ZFHX3: variants seen among roughly 807,000 people sequenced by gnomAD.
The protein encoded by ZFHX3 is zinc finger homeobox protein 3.
ZFHX3 carries 42 observed loss-of-function variants against 279.1 expected under a neutral mutation model. That is an observed-to-expected ratio of 0.15 (90% CI 0.12 to 0.19). The LOEUF (loss-of-function observed/expected upper bound fraction) is 0.19. ZFHX3 is among the 10% of genes least tolerant of loss of function. The probability of loss-of-function intolerance (pLI) is 1.00; values close to 1 mark genes in which losing one functional copy is unlikely to be tolerated. For missense variants in ZFHX3, 4,981 were observed against 4,754.0 expected, an observed-to-expected ratio of 1.05 and a Z score of -1.40; for synonymous variants, 2,293 against 1,957.8, an observed-to-expected ratio of 1.17 and a Z score of -4.52.
intron 1 of ZFHX3, among the ~76,000 whole-genome samples, chr16:72,967,737 A>T (rs1961912317): frequency 6.6e-6 from 1 of 150,848 alleles, no homozygotes; most frequent in African/African-American, 2.5e-5. Context: ...TAACACGGTG[A>T]AACCCCGTCT....
At chr16:73,055,709 CACACACACACACAT>C (rs762587918) in intron 1 of ZFHX3, among the ~76,000 whole-genome samples, 3,614 of 151,022 alleles carry the variant, frequency 0.024, 40 homozygotes, top group East Asian at 0.036. Context: ...CACACACACA[CACACACACACACAT>C]ACACACACAC....
At chr16:73,616,743 G>C (rs192435900) in intron 2 of ZFHX3, among the ~76,000 whole-genome samples, 6 of 152,194 alleles carry the variant, frequency 3.9e-5, no homozygotes, top group African/African-American at 1.4e-4. Context: ...AAATTCTTTC[G>C]AAAGACACAT....
chr16:73,214,695 G>T (rs2012138500), intron 5 of ZFHX3, among the ~76,000 whole-genome samples: 1 of 152,060 alleles, frequency 6.6e-6, no homozygotes, highest in Non-Finnish European at 1.5e-5. Context: ...TACTACATGG[G>T]GGGAAGCTCA....
chr16:72,979,077 T>C (rs900325032), intron 1 of ZFHX3, among the ~76,000 whole-genome samples: 10 of 152,068 alleles, frequency 6.6e-5, no homozygotes, highest in Admixed American at 5.9e-4. Flanking sequence ...GAAAGCTGAG[T>C]GTCAACAGGA....
At chr16:73,378,030 CAAAAAAAAAAAAAAAAAAAAAAAAAA>C (rs71156159) in intron 3 of ZFHX3, among the ~76,000 whole-genome samples, 1 of 53,816 alleles carries the variant, frequency 1.9e-5, no homozygotes, top group South Asian at 8.5e-4. Context: ...GACTCTGTCT[CAAAAAAAAAAAAAAAAAAAAAAAAAA>C]AAAAAAAAAA....
intron 4 of ZFHX3, among the ~76,000 whole-genome samples, chr16:72,849,733 C>T (rs546320332): frequency 2.0e-5 from 3 of 152,066 alleles, no homozygotes; most frequent in South Asian, 2.1e-4. Context: ...TCCTGGCCAA[C>T]GGCTGCCATT....
intron 1 of ZFHX3, among the ~76,000 whole-genome samples, chr16:73,684,695 CTTTTTTTTTTT>C (rs201167110): frequency 3.1e-4 from 43 of 137,502 alleles, no homozygotes; most frequent in African/African-American, 9.9e-4. Flanking sequence ...CACAAGGGTC[CTTTTTTTTTTT>C]TTTTTTTTTT....
chr16:73,655,488 A>G (rs562262442), intron 2 of ZFHX3, among the ~76,000 whole-genome samples: 2 of 152,354 alleles, frequency 1.3e-5, no homozygotes, highest in East Asian at 3.9e-4. Flanking sequence ...TCAGCAAAAG[A>G]CAGTTAGAAA....
rs748070394 is a variant in ZFHX3, at chr16:72,793,469, G to C, written c.9213C>G (p.Thr3071=). Reference sequence around the variant, plus strand: ...CTTGTTGAGCCATCAACTGACGTACGGTGGCTGGGTCAAAGTATTCTTTCT... The same window carrying C: ...CTTGTTGAGCCATCAACTGACGTACCGTGGCTGGGTCAAAGTATTCTTTCT... ...DKEKEYFDPA[T]VRQLMAQQEL... is the part of the protein sequence containing the mutation. The change falls in exon 9 of 10, where the codon ACC becomes ACG. Residue 3071 remains threonine, a synonymous_variant. Coordinates refer to ENST00000268489, the MANE Select transcript of ZFHX3 (RefSeq NM_006885.4). The surrounding 1 kb of genome is among the most constrained non-coding windows in gnomAD (Gnocchi z 4.3). The C allele has an allele frequency of 1.9e-6, 3 of 1,614,152 alleles. No individual in the cohort carries two copies. The highest frequency in any genetic ancestry group is 8.5e-7 in the Non-Finnish European group (1 of 1,180,040).
At position 73,661,860 on chromosome 16, in the gene ZFHX3, C is replaced by T. The variant is rs115869122; in HGVS notation, c.-1547+18320G>A. Among the ~76,000 whole-genome samples, 1,085 of 151,940 alleles carry T rather than the reference C, an allele frequency of 7.1e-3. 15 individuals are homozygous for T. Among genetic ancestry groups the T allele is most frequent in the African/African-American group, 0.024 (1,011 of 41,468 alleles). ...ATAAAAAGTACTATTTATGTATTCT[C>T]CCAGATGATTGTATATTATTCTGTT... is the stretch of plus-strand genomic sequence containing the variant. On this transcript the variant is annotated intron_variant, in intron 2 of 17. Transcript: ENST00000641206.
At chr16:73,402,063 G>A (rs2017266641) in intron 3 of ZFHX3, 1 of 152,146 alleles carries the variant, frequency 6.6e-6, no homozygotes, top group Non-Finnish European at 1.5e-5. Flanking sequence ...CAGATTTGTT[G>A]GCCAAAACTT....
intron 3 of ZFHX3, among the ~76,000 whole-genome samples, chr16:73,409,716 A>C (rs116546010): frequency 9.2e-4 from 140 of 152,358 alleles, no homozygotes; most frequent in African/African-American, 3.0e-3. Context: ...GAAGTGACCT[A>C]AGGGTACATG....
chr16:72,827,416 G>A (rs998715401), intron 5 of ZFHX3, among the ~76,000 whole-genome samples: 1 of 152,170 alleles, frequency 6.6e-6, no homozygotes. Flanking sequence ...TGAGGAAAAT[G>A]AGGCACAGAA....
chr16:73,191,154 T>G (rs1968022048), intron 5 of ZFHX3, among the ~76,000 whole-genome samples: 1 of 152,094 alleles, frequency 6.6e-6, no homozygotes, highest in African/African-American at 2.4e-5. Context: ...TTCTGTGGGC[T>G]TTCTATGCAA....
chr16:73,544,539 T>C (rs2020077130), intron 2 of ZFHX3, among the ~76,000 whole-genome samples: 2 of 152,042 alleles, frequency 1.3e-5, no homozygotes, highest in South Asian at 4.1e-4. Flanking sequence ...TTTGTGCTGG[T>C]GTTTGCTATT....
intron 4 of ZFHX3, among the ~76,000 whole-genome samples, chr16:73,317,984 C>T (rs540499105): frequency 6.6e-6 from 1 of 152,266 alleles, no homozygotes; most frequent in East Asian, 1.9e-4. Flanking sequence ...GAAGCAAAAG[C>T]ATCCATTTGG....
At chr16:73,145,315 C>T (rs957224397) in intron 5 of ZFHX3, among the ~76,000 whole-genome samples, 1 of 152,204 alleles carries the variant, frequency 6.6e-6, no homozygotes, top group African/African-American at 2.4e-5. Context: ...TAGCCAATGT[C>T]AGGGTCCAAT....
At chr16:72,885,322 C>A (rs2038596609) in intron 4 of ZFHX3, among the ~76,000 whole-genome samples, 1 of 152,226 alleles carries the variant, frequency 6.6e-6, no homozygotes, top group Admixed American at 6.5e-5. Flanking sequence ...GATGTACGTG[C>A]CCAACCACGA....
intron 5 of ZFHX3, among the ~76,000 whole-genome samples, chr16:72,820,449 C>T (rs571471409): frequency 2.8e-4 from 42 of 152,196 alleles, no homozygotes; most frequent in Admixed American, 3.9e-4. Flanking sequence ...AAAACAGAGC[C>T]ACCACCTGGT....
Sources: allele counts gnomAD v4.1 joint callset (sites outside exome capture counted in the v4.1 genomes callset), GRCh38; gene constraint gnomAD v4.1.1; non-coding constraint Gnocchi (gnomAD v3.1); transcripts MANE v1.5; gene names NCBI Gene and HGNC (gene_info 2026-07-23, HGNC 2026-07-21).